CAPN3: variants seen among roughly 807,000 people sequenced by gnomAD.
CAPN3 encodes the protein calpain 3, also known as calpain-3.
CAPN3 carries 88 observed loss-of-function variants against 114.0 expected under a neutral mutation model. That is an observed-to-expected ratio of 0.77 (90% CI 0.65 to 0.92). The LOEUF (loss-of-function observed/expected upper bound fraction) is 0.92. Among genes scored for constraint, CAPN3 ranks in the 40% least tolerant of loss-of-function variants. CAPN3 has a pLI of 0.00. For synonymous variants in CAPN3, 386 were observed against 382.9 expected, an observed-to-expected ratio of 1.01 and a Z score of -0.09; for missense variants, 1,028 against 1,069.0, an observed-to-expected ratio of 0.96 and a Z score of 0.53.
chr15:42,382,546 C>G (rs113455092), intron 1 of CAPN3, among the ~76,000 whole-genome samples: 15 of 152,050 alleles, frequency 9.9e-5, no homozygotes, highest in Admixed American at 5.2e-4. Flanking sequence ...TCCTTTTAAT[C>G]TTTGTAGAGA....
chr15:42,406,521 A>T lies in CAPN3; in HGVS notation c.1800+578A>T, dbSNP rs553355602. On this transcript the variant is annotated intron_variant, in intron 15 of 23. Transcript: ENST00000397163. ...AGTCCCTCTCTTTTTTTTCCCCCCC[A>T]ATTATAACAGTATCTACAAAGTAGG... 1.3e-4 allele frequency among the ~76,000 whole-genome samples: 19 copies of T among 151,680 alleles called. No homozygotes were observed. The South Asian group carries it at 4.0e-3, about 32-fold the overall frequency.
At chr15:42,395,579 A>T (rs963855115) in intron 8 of CAPN3, among the ~76,000 whole-genome samples, 5 of 152,144 alleles carry the variant, frequency 3.3e-5, no homozygotes, top group African/African-American at 1.2e-4. Context: ...GTGCTCTGGG[A>T]AGGCCCTCAG....
intron 3 of CAPN3, 29 bp from the exon 4 acceptor site, chr15:42,387,724 G>C (rs1349640320): frequency 6.2e-7 from 1 of 1,613,990 alleles, no homozygotes; most frequent in African/African-American, 1.3e-5. Flanking sequence ...ATTTGAGTAT[G>C]TGACTCTGTG....
At chr15:42,389,928 C>T in intron 5 of CAPN3, 25 bp from the exon 6 acceptor site, 9 of 1,613,748 alleles carry the variant, frequency 5.6e-6, no homozygotes, top group Non-Finnish European at 7.6e-6. Context: ...CTGTGTTGTT[C>T]CCTACATTCT....
intron 12 of CAPN3, chr15:42,402,430 C>A (rs1230460828): frequency 2.0e-5 from 28 of 1,433,910 alleles, no homozygotes; most frequent in Non-Finnish European, 1.5e-5. Flanking sequence ...GTCACACAGA[C>A]GCGTTCTGAG....
intron 15 of CAPN3, among the ~76,000 whole-genome samples, chr15:42,407,021 G>A (rs557043910): frequency 8.5e-5 from 13 of 152,204 alleles, no homozygotes; most frequent in African/African-American, 2.9e-4. Flanking sequence ...TTTCTGCTCC[G>A]AGAGGCTCTG....
intron 14 of CAPN3, among the ~76,000 whole-genome samples, 160 bp from the exon 15 acceptor site, chr15:42,405,766 C>A (rs1273075966): frequency 6.6e-6 from 1 of 152,116 alleles, no homozygotes; most frequent in African/African-American, 2.4e-5. Flanking sequence ...TCTCCCTTCA[C>A]CCTCCATGCC....
chr15:42,380,635 A>G (rs527327339), intron 1 of CAPN3, among the ~76,000 whole-genome samples: 39 of 131,084 alleles, frequency 3.0e-4, no homozygotes, highest in East Asian at 9.9e-4. Flanking sequence ...ATGTGTGTGT[A>G]TATATATATA....
At chr15:42,381,062 T>C (rs983585012) in intron 1 of CAPN3, among the ~76,000 whole-genome samples, 2 of 152,158 alleles carry the variant, frequency 1.3e-5, no homozygotes, top group African/African-American at 2.4e-5. Context: ...TTCCTTCCTT[T>C]CTTTGCTTAT....
intron 15 of CAPN3, 94 bp downstream of exon 15, chr15:42,406,037 A>G: frequency 9.0e-7 from 1 of 1,114,846 alleles, no homozygotes. Context: ...ATATGCATCC[A>G]TGCACCAGAC....
At position 42,387,909 on chromosome 15, in the gene CAPN3, A is replaced by G. The variant is rs766782470; in HGVS notation, c.632+23A>G. On this transcript the variant is annotated intron_variant, in intron 4 of 23. Coordinates refer to ENST00000397163, the MANE Select transcript of CAPN3 (RefSeq NM_000070.3). ...TAAGTAAGCAACACTTTAGAATGTG[A>G]GGTGGGGCTAGAGGTGAGAAAGTGG... 1.9e-6 allele frequency: 3 copies of G among 1,613,988 alleles called. No individual in the cohort carries two copies. The African/African-American group carries it at 4.0e-5, about 22-fold the overall frequency.
chr15:42,406,591 G>C (rs2054029742), intron 15 of CAPN3, among the ~76,000 whole-genome samples: 1 of 151,926 alleles, frequency 6.6e-6, no homozygotes, highest in South Asian at 2.1e-4. Flanking sequence ...ACTCAAAGAA[G>C]TGAACTTGCC....
intron 1 of CAPN3, among the ~76,000 whole-genome samples, chr15:42,371,681 AG>A (rs1240594996): frequency 1.5e-4 from 23 of 152,228 alleles, no homozygotes; most frequent in East Asian, 1.2e-3. Flanking sequence ...ATACTTTTTT[AG>A]GCTGGGCGTG....
chr15:42,409,514 T>A, intron 17 of CAPN3, 134 bp downstream of exon 17: 1 of 942,294 alleles, frequency 1.1e-6, no homozygotes, highest in Non-Finnish European at 1.7e-6. Context: ...GATGTGTGCG[T>A]AGCACACAAA....
At chr15:42,398,633 A>G (rs1323144951) in intron 9 of CAPN3, among the ~76,000 whole-genome samples, 2 of 142,376 alleles carry the variant, frequency 1.4e-5, no homozygotes, top group African/African-American at 5.8e-5. Flanking sequence ...ACACACACAC[A>G]CATATATATA....
chr15:42,359,753 G>T lies in CAPN3; in HGVS notation c.-53G>T. ...TTTGCAGTTGCTTCCTTTCCTTGAAGGTAGCTGTATCTTATTTTCTTTAAA... is the reference window on the plus strand; with the variant it reads ...TTTGCAGTTGCTTCCTTTCCTTGAATGTAGCTGTATCTTATTTTCTTTAAA... On this transcript the variant is annotated 5_prime_UTR_variant, in exon 1 of 24. The change creates a new upstream start codon in the 5' untranslated region. Coordinates refer to ENST00000397163, the MANE Select transcript of CAPN3 (RefSeq NM_000070.3). The T allele has an allele frequency of 6.2e-7, 1 of 1,611,114 alleles. No individual in the cohort carries two copies. The highest frequency in any genetic ancestry group is 1.1e-5 in the South Asian group (1 of 90,854).
intron 16 of CAPN3, chr15:42,408,679 A>T: frequency 2.7e-6 from 1 of 365,982 alleles, no homozygotes; most frequent in Non-Finnish European, 5.3e-6. Flanking sequence ...CAATAGGGGG[A>T]TAAAGGATAG....
At chr15:42,365,572 TCTTTTCCCCTCAC>T (rs778272397) in intron 1 of CAPN3, among the ~76,000 whole-genome samples, 12 of 151,928 alleles carry the variant, frequency 7.9e-5, no homozygotes, top group East Asian at 3.9e-4. Flanking sequence ...CAGCTATGGG[TCTTTTCCCCTCAC>T]CTTTTCCCCT....
intron 15 of CAPN3, among the ~76,000 whole-genome samples, chr15:42,407,364 T>A (rs915210807): frequency 6.6e-6 from 1 of 151,994 alleles, no homozygotes; most frequent in Admixed American, 6.6e-5. Flanking sequence ...AGTCTCACTC[T>A]GTCACCCAGC....
Sources: gnomAD v4.1 joint callset for allele counts (sites outside exome capture counted in the v4.1 genomes callset) on GRCh38, gnomAD v4.1.1 for gene constraint, MANE v1.5 for transcripts, NCBI Gene and HGNC (gene_info 2026-07-23, HGNC 2026-07-21) for gene names.